Variants in PRPSAP2 observed in about 807,000 individuals in gnomAD.
The protein encoded by PRPSAP2 is phosphoribosyl pyrophosphate synthetase associated protein 2, also known as phosphoribosyl pyrophosphate synthase-associated protein 2.
In PRPSAP2, 24 loss-of-function variants were observed where a neutral mutation model predicts 40.6. That is an observed-to-expected ratio of 0.59 (90% CI 0.43 to 0.83). PRPSAP2 has a LOEUF of 0.83. PRPSAP2 is among the 40% of genes least tolerant of loss of function. PRPSAP2 has a pLI of 0.00. For missense variants in PRPSAP2, 292 were observed against 465.6 expected (o/e 0.63, Z 3.43); for synonymous variants, 149 against 164.7 (o/e 0.90, Z 0.73).
At chr17:18,860,938 A>G (rs1173860207) in intron 1 of PRPSAP2, among the ~76,000 whole-genome samples, 1 of 152,128 alleles carries the variant, frequency 6.6e-6, no homozygotes, top group Non-Finnish European at 1.5e-5. Flanking sequence ...TGTTATAAAT[A>G]ATTCTCACAC....
At chr17:18,919,849 T>C (rs9892397) in intron 9 of PRPSAP2, among the ~76,000 whole-genome samples, 27,492 of 152,164 alleles carry the variant, frequency 0.18, 2,730 homozygotes, top group African/African-American at 0.25. Flanking sequence ...TTCCACTGTG[T>C]TCTTGGGTCT....
chr17:18,865,341 A>G (rs2037353003), intron 1 of PRPSAP2, 128 bp from the exon 2 acceptor site: 1 of 152,252 alleles, frequency 6.6e-6, no homozygotes. Flanking sequence ...AAAGGCCGGG[A>G]AAGGTTTTAT....
chr17:18,881,625 C>A (rs1378015097), intron 6 of PRPSAP2, among the ~76,000 whole-genome samples: 1 of 151,822 alleles, frequency 6.6e-6, no homozygotes, highest in Admixed American at 6.6e-5. Flanking sequence ...GCAGCCTTGA[C>A]CTTCTGCACT....
intron 10 of PRPSAP2, 165 bp from the exon 11 acceptor site, chr17:18,928,646 A>G: frequency 3.7e-6 from 3 of 812,194 alleles, no homozygotes; most frequent in South Asian, 2.9e-5. Context: ...GAGGGCTGCC[A>G]TGGGGCACGG....
intron 8 of PRPSAP2, among the ~76,000 whole-genome samples, chr17:18,905,215 G>A (rs976407086): frequency 2.0e-5 from 3 of 151,950 alleles, no homozygotes; most frequent in Non-Finnish European, 2.9e-5. Flanking sequence ...TAGTAGAGAC[G>A]GGGTTTCACC....
intron 4 of PRPSAP2, among the ~76,000 whole-genome samples, chr17:18,871,118 C>G (rs985911932): frequency 6.6e-6 from 1 of 152,086 alleles, no homozygotes; most frequent in African/African-American, 2.4e-5. Flanking sequence ...CTCCCAGGTT[C>G]AAGCAGTTCT....
intron 9 of PRPSAP2, among the ~76,000 whole-genome samples, chr17:18,921,314 GA>G (rs1456090069): frequency 6.6e-6 from 1 of 152,186 alleles, no homozygotes; most frequent in East Asian, 1.9e-4. Flanking sequence ...TAATGAGTCA[GA>G]AGGTATGAAT....
At chr17:18,887,652 A>C (rs1474783261) in intron 7 of PRPSAP2, among the ~76,000 whole-genome samples, 1 of 151,966 alleles carries the variant, frequency 6.6e-6, no homozygotes, top group Non-Finnish European at 1.5e-5. Context: ...TTAAAAACTT[A>C]TTTTACTTTT....
intron 1 of PRPSAP2, among the ~76,000 whole-genome samples, chr17:18,860,913 G>A (rs1299837589): frequency 1.3e-5 from 2 of 152,226 alleles, no homozygotes; most frequent in South Asian, 2.1e-4. Context: ...TCTGAAAACG[G>A]TGTGTTTTCA....
chr17:18,893,804 T>C (rs1331425287), intron 8 of PRPSAP2, among the ~76,000 whole-genome samples: 2 of 152,084 alleles, frequency 1.3e-5, no homozygotes, highest in East Asian at 3.9e-4. Context: ...CAAGTGATCT[T>C]GACCTCAAAT....
chr17:18,862,027 ACAGGTGTGTGCCAC>A (rs1484795268), intron 1 of PRPSAP2, among the ~76,000 whole-genome samples: 2 of 152,170 alleles, frequency 1.3e-5, no homozygotes, highest in African/African-American at 2.4e-5. Context: ...AGCTGGGACT[ACAGGTGTGTGCCAC>A]CAGGCCTAGC....
rs193241499 is a variant in PRPSAP2, at chr17:18,869,120, T to C, written c.172+1786T>C. On this transcript the variant is annotated intron_variant, in intron 4 of 11. Transcript: ENST00000268835. ...AAGGTGAAAGGGAGAAGCAGTGGCATAAGACTCCAGGAGACTGGTCCACTC... is the reference window on the plus strand; with the variant it reads ...AAGGTGAAAGGGAGAAGCAGTGGCACAAGACTCCAGGAGACTGGTCCACTC... 6.3e-3 allele frequency among the ~76,000 whole-genome samples: 955 copies of C among 152,232 alleles called. 6 individuals carry two copies. The highest frequency in any genetic ancestry group is 0.011 in the Non-Finnish European group (726 of 68,024).
At chr17:18,917,395 T>G (rs2041381962) in intron 9 of PRPSAP2, 1 of 146,558 alleles carries the variant, frequency 6.8e-6, no homozygotes, top group Admixed American at 6.8e-5. Context: ...AACAGATGAC[T>G]TCTTTTTTTT....
chr17:18,929,883 CT>C (rs2042169219), intron 11 of PRPSAP2: 1 of 152,176 alleles, frequency 6.6e-6, no homozygotes, highest in Non-Finnish European at 1.5e-5. Flanking sequence ...AGGTTTAGAA[CT>C]GCCAGGTCAT....
At chr17:18,860,916 T>C (rs1386158567) in intron 1 of PRPSAP2, among the ~76,000 whole-genome samples, 1 of 152,182 alleles carries the variant, frequency 6.6e-6, no homozygotes, top group Non-Finnish European at 1.5e-5. Flanking sequence ...GAAAACGGTG[T>C]GTTTTCATAC....
chr17:18,910,154 T>A (rs548701256), intron 8 of PRPSAP2, among the ~76,000 whole-genome samples: 1 of 152,130 alleles, frequency 6.6e-6, no homozygotes, highest in East Asian at 1.9e-4. Context: ...CGCAAGTGGC[T>A]CACACCTGTA....
intron 9 of PRPSAP2, among the ~76,000 whole-genome samples, chr17:18,915,754 G>C (rs2041270871): frequency 6.6e-6 from 1 of 152,062 alleles, no homozygotes; most frequent in South Asian, 2.1e-4. Context: ...CATTCATGAA[G>C]GATCTGCCTC....
intron 8 of PRPSAP2, among the ~76,000 whole-genome samples, chr17:18,897,145 A>G (rs2039957404): frequency 6.6e-6 from 1 of 151,818 alleles, no homozygotes. Context: ...TTTTGTAGAG[A>G]TGGGGTCTCA....
intron 1 of PRPSAP2, chr17:18,858,594 G>C (rs1303430156): frequency 2.0e-5 from 3 of 152,284 alleles, no homozygotes; most frequent in African/African-American, 7.2e-5. Flanking sequence ...CCCAGACCCA[G>C]CCATTCTCCG....
Sources: gnomAD v4.1 joint callset for allele counts (sites outside exome capture counted in the v4.1 genomes callset) on GRCh38, gnomAD v4.1.1 for gene constraint, MANE v1.5 for transcripts, NCBI Gene and HGNC (gene_info 2026-07-23, HGNC 2026-07-21) for gene names.